Variants in NTM observed in about 807,000 individuals in gnomAD.
The protein encoded by NTM is neurotrimin, also known as IgLON family member 2.
In NTM, 13 loss-of-function variants were observed where a neutral mutation model predicts 42.1. The ratio of observed to expected loss-of-function variants is 0.31; its 90% CI spans 0.20 to 0.49. The LOEUF (loss-of-function observed/expected upper bound fraction) is 0.49, where lower values mean the gene tolerates loss of function less well. NTM is among the 20% of genes least tolerant of loss of function. The probability of loss-of-function intolerance (pLI) is 0.99; values close to 1 mark genes in which losing one functional copy is unlikely to be tolerated. For synonymous variants in NTM, 187 were observed against 179.2 expected, an observed-to-expected ratio of 1.04 and a Z score of -0.35; for missense variants, 373 against 452.8, an observed-to-expected ratio of 0.82 and a Z score of 1.60.
intron 2 of NTM, among the ~76,000 whole-genome samples, chr11:132,047,110 C>T (rs774073455): frequency 2.0e-5 from 3 of 152,184 alleles, no homozygotes; most frequent in African/African-American, 7.2e-5. Context: ...TGTCTATTTC[C>T]CAAGTGTTTC....
intron 4 of NTM, among the ~76,000 whole-genome samples, chr11:132,303,806 T>G (rs528932420): frequency 6.6e-6 from 1 of 151,746 alleles, no homozygotes; most frequent in South Asian, 2.1e-4. Flanking sequence ...GCTGCAGCAG[T>G]GGCAGTGGTG....
intron 1 of NTM, among the ~76,000 whole-genome samples, chr11:131,818,199 T>C (rs1462620514): frequency 6.6e-6 from 1 of 152,064 alleles, no homozygotes; most frequent in East Asian, 1.9e-4. Context: ...AATTTAAAAT[T>C]GCTCGTTCAG....
chr11:131,954,641 C>T (rs930097115), intron 2 of NTM, among the ~76,000 whole-genome samples: 11 of 150,334 alleles, frequency 7.3e-5, no homozygotes, highest in African/African-American at 1.7e-4. Flanking sequence ...TTTTTTTTAA[C>T]GAAAACATTA....
chr11:132,142,831 T>C (rs1324752724), intron 2 of NTM, among the ~76,000 whole-genome samples: 1 of 152,208 alleles, frequency 6.6e-6, no homozygotes, highest in Non-Finnish European at 1.5e-5. Context: ...CGAACCTCTC[T>C]GGCCCTGTAG....
intron 2 of NTM, among the ~76,000 whole-genome samples, chr11:131,992,267 A>G (rs541233500): frequency 6.6e-6 from 1 of 152,274 alleles, no homozygotes; most frequent in South Asian, 2.1e-4. Context: ...TTTCTCGTTT[A>G]TTACTTTATT....
At chr11:132,043,932 G>C (rs542439799) in intron 2 of NTM, among the ~76,000 whole-genome samples, 6 of 151,476 alleles carry the variant, frequency 4.0e-5, no homozygotes, top group African/African-American at 1.5e-4. Flanking sequence ...TGCCATCTCA[G>C]CATTTTAAGA....
chr11:131,477,319 A>G (rs769194643), intron 1 of NTM, among the ~76,000 whole-genome samples: 1 of 152,160 alleles, frequency 6.6e-6, no homozygotes, highest in Non-Finnish European at 1.5e-5. Flanking sequence ...TTCCACAGCT[A>G]TCAAGGAACA....
At chr11:131,392,231 G>T (rs867740712) in intron 1 of NTM, among the ~76,000 whole-genome samples, 2 of 151,904 alleles carry the variant, frequency 1.3e-5, no homozygotes, top group Admixed American at 6.5e-5. Flanking sequence ...CCAGGGATGG[G>T]AGTCCTGTGT....
chr11:131,698,598 A>C (rs566309378), intron 1 of NTM, among the ~76,000 whole-genome samples: 1 of 152,328 alleles, frequency 6.6e-6, no homozygotes, highest in East Asian at 1.9e-4. Context: ...CTAAAGATTT[A>C]GCTAATAATT....
intron 1 of NTM, among the ~76,000 whole-genome samples, chr11:131,696,739 T>C (rs767435642): frequency 5.3e-5 from 8 of 152,110 alleles, no homozygotes; most frequent in African/African-American, 9.7e-5. Context: ...ATGTTGGTTT[T>C]ATCTCTTGTT....
chr11:131,668,980 G>A (rs371867745), intron 1 of NTM, among the ~76,000 whole-genome samples: 14 of 152,268 alleles, frequency 9.2e-5, no homozygotes, highest in African/African-American at 3.4e-4. Context: ...GTGGCCGGTA[G>A]GGGGAGCACA....
intron 2 of NTM, among the ~76,000 whole-genome samples, chr11:131,913,491 C>T (rs565024803): frequency 1.3e-5 from 2 of 152,318 alleles, no homozygotes; most frequent in East Asian, 3.9e-4. Flanking sequence ...AGGGTGGCTG[C>T]ATTCAGCAGA....
chr11:131,789,429 G>GAAGAAGAAGAAGAAGAA (rs1555127048), intron 1 of NTM, among the ~76,000 whole-genome samples: 1 of 11,964 alleles, frequency 8.4e-5, no homozygotes, highest in African/African-American at 5.2e-4. Flanking sequence ...AAAAGAAGAA[G>GAAGAAGAAGAAGAAGAA]GAAGAAGAAG....
At chr11:131,556,689 T>TAG (rs1373610496) in intron 1 of NTM, among the ~76,000 whole-genome samples, 1 of 150,902 alleles carries the variant, frequency 6.6e-6, no homozygotes, top group Non-Finnish European at 1.5e-5. Context: ...TGCCTCAGCC[T>TAG]CCCAAGTAGC....
At chr11:131,696,103 G>A (rs993821744) in intron 1 of NTM, among the ~76,000 whole-genome samples, 2 of 152,156 alleles carry the variant, frequency 1.3e-5, no homozygotes, top group South Asian at 2.1e-4. Context: ...AAAGGGAGCC[G>A]GCCCCCAGGG....
intron 2 of NTM, among the ~76,000 whole-genome samples, chr11:131,955,830 C>T (rs1286245454): frequency 2.0e-5 from 3 of 152,256 alleles, no homozygotes; most frequent in East Asian, 3.9e-4. Flanking sequence ...ATATAATGTC[C>T]GCGCTTTGAC....
chr11:132,142,364 T>A lies in NTM; in HGVS notation c.168-3918T>A, dbSNP rs191313393. Among the ~76,000 whole-genome samples the A allele has an allele frequency of 1.2e-4, 19 of 152,298 alleles. 1 individual carries two copies. The East Asian group carries it at 3.7e-3, about 29-fold the overall frequency. ...CTGAGAGAGGTGAGATACCGTACCGTGTTTCAGGAGCAGTTTTGTAGAAGG... is the reference window on the plus strand; with the variant it reads ...CTGAGAGAGGTGAGATACCGTACCGAGTTTCAGGAGCAGTTTTGTAGAAGG... On this transcript the variant is annotated intron_variant, in intron 2 of 8. Coordinates refer to ENST00000683400, the MANE Select transcript of NTM (RefSeq NM_001352005.2).
chr11:132,025,493 C>T (rs558836062), intron 2 of NTM, among the ~76,000 whole-genome samples: 4 of 152,286 alleles, frequency 2.6e-5, no homozygotes, highest in South Asian at 4.1e-4. Context: ...TGCACATACT[C>T]GGGCCCCATT....
At chr11:132,240,673 C>T (rs1591477054) in intron 4 of NTM, among the ~76,000 whole-genome samples, 1 of 152,274 alleles carries the variant, frequency 6.6e-6, no homozygotes, top group East Asian at 1.9e-4. Context: ...CTTTTTCAAG[C>T]ACCCAAAAAT....
Sources: allele counts gnomAD v4.1 joint callset (sites outside exome capture counted in the v4.1 genomes callset), GRCh38; gene constraint gnomAD v4.1.1; transcripts MANE v1.5; gene names NCBI Gene and HGNC (gene_info 2026-07-23, HGNC 2026-07-21).